DAPK2: variants seen among roughly 807,000 people sequenced by gnomAD.
DAPK2 encodes death associated protein kinase 2.
Under a neutral mutation model 44.1 loss-of-function variants are expected in DAPK2, and 35 were observed. The ratio of observed to expected loss-of-function variants is 0.79; its 90% CI spans 0.61 to 1.05. DAPK2 has a LOEUF of 1.05. Among genes scored for constraint, DAPK2 ranks in the 50% least tolerant of loss-of-function variants. The pLI is 0.00. For synonymous variants in DAPK2, 174 were observed against 182.6 expected (o/e 0.95, Z 0.38); for missense variants, 453 against 483.2 (o/e 0.94, Z 0.59).
chr15:63,914,221 C>T (rs899694676), intron 8 of DAPK2, among the ~76,000 whole-genome samples: 43 of 149,330 alleles, frequency 2.9e-4, no homozygotes, highest in African/African-American at 9.4e-4. Flanking sequence ...TGTACAGCTC[C>T]GGGGCGGGGG....
intron 1 of DAPK2, among the ~76,000 whole-genome samples, chr15:64,011,491 G>A (rs113030124): frequency 0.015 from 2,283 of 152,282 alleles, 18 homozygotes; most frequent in Non-Finnish European, 0.024. Context: ...AACCCAGGAG[G>A]CGGAAGCTGC....
At chr15:63,964,815 G>C (rs192236484) in intron 3 of DAPK2, among the ~76,000 whole-genome samples, 293 of 152,010 alleles carry the variant, frequency 1.9e-3, no homozygotes, top group African/African-American at 6.3e-3. Context: ...AAATCTCTTT[G>C]TTAAATTTAT....
chr15:63,954,329 G>A (rs997051650), intron 3 of DAPK2, among the ~76,000 whole-genome samples: 2 of 152,066 alleles, frequency 1.3e-5, no homozygotes, highest in African/African-American at 4.8e-5. Context: ...TTTTCTATAT[G>A]GTAAGAAACA....
chr15:63,991,344 C>T, intron 1 of DAPK2: 1 of 456,058 alleles, frequency 2.2e-6, no homozygotes, highest in Non-Finnish European at 4.4e-6. Flanking sequence ...AGAATGCCAG[C>T]CAAGAACCTG....
At chr15:64,016,396 C>A (rs1595894607) in intron 1 of DAPK2, among the ~76,000 whole-genome samples, 1 of 152,300 alleles carries the variant, frequency 6.6e-6, no homozygotes, top group African/African-American at 2.4e-5. Context: ...ATTTTAATCC[C>A]AGGGTGACTT....
At chr15:64,019,146 C>T (rs12438519) in intron 1 of DAPK2, among the ~76,000 whole-genome samples, 46,852 of 152,134 alleles carry the variant, frequency 0.31, 9,325 homozygotes, top group Non-Finnish European at 0.45. Flanking sequence ...GAACTGATTG[C>T]TCCCACCTTC....
chr15:63,956,829 C>T (rs1338492134), intron 3 of DAPK2, among the ~76,000 whole-genome samples: 2 of 152,136 alleles, frequency 1.3e-5, no homozygotes, highest in Non-Finnish European at 2.9e-5. Context: ...CTTCGTGATC[C>T]ACCTGCCTCG....
chr15:63,970,399 C>T (rs994324695), intron 3 of DAPK2, among the ~76,000 whole-genome samples: 7 of 152,194 alleles, frequency 4.6e-5, no homozygotes, highest in African/African-American at 1.7e-4. Flanking sequence ...TCCTACCAAT[C>T]CTTCAGAACT....
At position 64,046,227 on chromosome 15, in the gene DAPK2, A is replaced by C; in HGVS notation, c.-7+71T>G. On this transcript the variant is annotated intron_variant, in intron 1 of 11. Transcript: ENST00000457488. This position sits in a 1 kb window ranked among gnomAD's most constrained non-coding sequence, Gnocchi z 5.3. ...GATCTCTTCGCCCCGCCAGCCCCAG[A>C]CCCGGGCGCTGCTGCCGTCAGGCCG... The C allele has an allele frequency of 1.5e-6, 1 of 649,266 alleles. No homozygotes were observed. The highest frequency in any genetic ancestry group is 1.9e-6 in the Non-Finnish European group (1 of 522,622). 40.2% of individuals were successfully genotyped at this position (649,266 alleles called of 1,614,324 possible). A position where few individuals can be genotyped will look rare whatever the true frequency, so the allele number is the denominator to read the frequency against.
chr15:64,001,775 A>C (rs2079091509), intron 1 of DAPK2, among the ~76,000 whole-genome samples: 1 of 152,226 alleles, frequency 6.6e-6, no homozygotes, highest in African/African-American at 2.4e-5. Flanking sequence ...GTGTGTTAAC[A>C]TAACTCCCAG....
chr15:64,002,844 A>G (rs923373087), intron 1 of DAPK2, among the ~76,000 whole-genome samples: 1 of 152,200 alleles, frequency 6.6e-6, no homozygotes. Flanking sequence ...TCTTTTAAAC[A>G]AAGAATCGCC....
upstream of DAPK2, among the ~76,000 whole-genome samples, chr15:64,044,022 G>A (rs1385569707): frequency 6.6e-6 from 1 of 152,156 alleles, no homozygotes; most frequent in Non-Finnish European, 1.5e-5. Flanking sequence ...AGGCGAATTT[G>A]CATTTTACCA....
intron 1 of DAPK2, among the ~76,000 whole-genome samples, chr15:64,017,599 A>G (rs1460544098): frequency 6.6e-6 from 1 of 152,246 alleles, no homozygotes; most frequent in Non-Finnish European, 1.5e-5. Flanking sequence ...CCTTGACTCA[A>G]CTATGATGCT....
chr15:64,026,298 C>T (rs2079845068), intron 1 of DAPK2, among the ~76,000 whole-genome samples: 1 of 152,056 alleles, frequency 6.6e-6, no homozygotes, highest in South Asian at 2.1e-4. Flanking sequence ...GGCTGGAGTG[C>T]AGTGGCATGA....
At chr15:63,944,197 G>T (rs550054155) in intron 3 of DAPK2, among the ~76,000 whole-genome samples, 8 of 152,256 alleles carry the variant, frequency 5.3e-5, no homozygotes, top group Non-Finnish European at 1.0e-4. Context: ...AGGTGGCCGT[G>T]GGGCAGTAGG....
chr15:63,964,738 G>A (rs1279982889), intron 3 of DAPK2, among the ~76,000 whole-genome samples: 2 of 151,708 alleles, frequency 1.3e-5, no homozygotes, highest in South Asian at 2.1e-4. Flanking sequence ...AGACTCTGAC[G>A]CATTCTTCAG....
At chr15:63,913,863 T>C (rs1208512003) in intron 8 of DAPK2, among the ~76,000 whole-genome samples, 1 of 152,156 alleles carries the variant, frequency 6.6e-6, no homozygotes, top group South Asian at 2.1e-4. Context: ...ACAAGGCACA[T>C]GTATGCTCCT....
In DAPK2 at chr15:64,020,338, G is replaced by A. The variant is rs1424044533; in HGVS notation, c.92+19832C>T. Among the ~76,000 whole-genome samples the A allele has an allele frequency of 6.6e-6, 1 of 152,186 alleles. No individual in the cohort carries two copies. The highest frequency in any genetic ancestry group is 2.4e-5 in the African/African-American group (1 of 41,444). ...ATGAAGAAACAGCTGAGAAGGCAGT[G>A]GGGGATAGAACCCATTTCATCAGGA... On this transcript the variant is annotated intron_variant, in intron 1 of 10. Transcript: ENST00000261891. The surrounding 1 kb of genome is among the most constrained non-coding windows in gnomAD (Gnocchi z 4.5).
At chr15:63,965,021 G>C (rs2140674342) in intron 3 of DAPK2, among the ~76,000 whole-genome samples, 1 of 152,248 alleles carries the variant, frequency 6.6e-6, no homozygotes, top group South Asian at 2.1e-4. Context: ...GTTTATTGAT[G>C]TCTGGCCATT....
Sources: allele counts gnomAD v4.1 joint callset (sites outside exome capture counted in the v4.1 genomes callset), GRCh38; gene constraint gnomAD v4.1.1; non-coding constraint Gnocchi (gnomAD v3.1); transcripts MANE v1.5; gene names NCBI Gene and HGNC (gene_info 2026-07-23, HGNC 2026-07-21).